Variants in CNOT2 observed in about 807,000 individuals in gnomAD.
CNOT2 encodes the protein CC chemokine receptor 4-negative regulator of transcription 2.
In CNOT2, 7 loss-of-function variants were observed where a neutral mutation model predicts 72.1. The observed-to-expected ratio is 0.10, with a 90% CI of 0.06 to 0.18. The LOEUF (loss-of-function observed/expected upper bound fraction) is 0.18, where lower values mean the gene tolerates loss of function less well. CNOT2 is among the 10% of genes least tolerant of loss of function. The probability of loss-of-function intolerance (pLI) is 1.00; values close to 1 mark genes in which losing one functional copy is unlikely to be tolerated. For missense variants in CNOT2, 345 were observed against 660.3 expected (o/e 0.52, Z 5.23); for synonymous variants, 196 against 225.6 (o/e 0.87, Z 1.17).
At chr12:70,295,087 AG>A (rs1354573308) in intron 2 of CNOT2, among the ~76,000 whole-genome samples, 1 of 152,038 alleles carries the variant, frequency 6.6e-6, no homozygotes, top group Non-Finnish European at 1.5e-5. Flanking sequence ...CTTACTTTTG[AG>A]CTTCTTCTCA....
intron 2 of CNOT2, among the ~76,000 whole-genome samples, chr12:70,280,343 T>C (rs2135813027): frequency 6.6e-6 from 1 of 152,276 alleles, no homozygotes; most frequent in Non-Finnish European, 1.5e-5. Flanking sequence ...TAATGTTCCA[T>C]AGCAGAGTAG....
At chr12:70,308,411 C>T (rs970349060) in intron 2 of CNOT2, among the ~76,000 whole-genome samples, 1 of 152,084 alleles carries the variant, frequency 6.6e-6, no homozygotes, top group Non-Finnish European at 1.5e-5. Flanking sequence ...CTCCCTCCCT[C>T]CATCTGTCTT....
chr12:70,264,283 A>C (rs758600909), intron 1 of CNOT2, among the ~76,000 whole-genome samples: 17 of 152,140 alleles, frequency 1.1e-4, no homozygotes, highest in Non-Finnish European at 1.9e-4. Flanking sequence ...CCTGTCTTAG[A>C]GCTACCAGCT....
chr12:70,338,021 A>G (rs1880933887), intron 9 of CNOT2: 1 of 239,114 alleles, frequency 4.2e-6, no homozygotes, highest in East Asian at 1.3e-4. Flanking sequence ...AATAAGTACA[A>G]AGTTTTAAAG....
chr12:70,319,493 C>CCTTTTA, intron 4 of CNOT2, 129 bp downstream of exon 4: 1 of 867,032 alleles, frequency 1.2e-6, no homozygotes, highest in Non-Finnish European at 1.8e-6. Context: ...GTTTAATTTT[C>CCTTTTA]AGAGTTTTAT....
chr12:70,334,418 G>T (rs1282202552), intron 7 of CNOT2: 1 of 151,952 alleles, frequency 6.6e-6, no homozygotes, highest in Non-Finnish European at 1.5e-5. Flanking sequence ...TAAATTAATG[G>T]TGTCTATTGT....
chr12:70,293,509 A>G (rs1872298213), intron 2 of CNOT2, among the ~76,000 whole-genome samples: 2 of 152,132 alleles, frequency 1.3e-5, no homozygotes, highest in African/African-American at 2.4e-5. Context: ...TTGTTTTAAA[A>G]TCTTAAAATT....
chr12:70,331,902 A>G (rs572680877), intron 6 of CNOT2, among the ~76,000 whole-genome samples: 6 of 151,922 alleles, frequency 3.9e-5, no homozygotes, highest in Non-Finnish European at 7.4e-5. Flanking sequence ...TGGTTTCACT[A>G]TAGAATCTGC....
intron 11 of CNOT2, 34 bp from the exon 12 acceptor site, chr12:70,342,073 G>T: frequency 7.7e-7 from 1 of 1,296,452 alleles, no homozygotes; most frequent in Non-Finnish European, 1.1e-6. Flanking sequence ...TCTTTTTCTG[G>T]ATTTCAAAAT....
chr12:70,329,989 A>T (rs1983437), intron 5 of CNOT2, among the ~76,000 whole-genome samples: 32,154 of 152,000 alleles, frequency 0.21, 4,000 homozygotes, highest in Admixed American at 0.34. Flanking sequence ...ACGATATGCC[A>T]TTGAAATGAA....
At chr12:70,300,960 G>T (rs965595711) in intron 2 of CNOT2, among the ~76,000 whole-genome samples, 1 of 152,070 alleles carries the variant, frequency 6.6e-6, no homozygotes, top group African/African-American at 2.4e-5. Flanking sequence ...GGATTCCTAG[G>T]TATTTTATTC....
rs947002107 is a variant in CNOT2 at position 70,330,601 on chromosome 12, A to G, written c.569+132A>G. The G allele has an allele frequency of 1.3e-5, 7 of 521,900 alleles. No homozygotes were observed. The South Asian group carries it at 2.4e-4, about 18-fold the overall frequency. The allele number at this position is 521,900 out of a possible 1,614,324, so 32.3% of individuals were successfully genotyped here. A position where few individuals can be genotyped will look rare whatever the true frequency, so the allele number is the denominator to read the frequency against. On this transcript the variant is annotated intron_variant, in intron 6 of 15. Transcript: ENST00000229195. ...GTGTTTCATCATGCATTTATGTCCAAAGATTCTGTTACCCATCACAAAACG... is the reference window on the plus strand; with the variant it reads ...GTGTTTCATCATGCATTTATGTCCAGAGATTCTGTTACCCATCACAAAACG...
At chr12:70,247,151 T>C (rs1400457489) in intron 1 of CNOT2, among the ~76,000 whole-genome samples, 8 of 152,078 alleles carry the variant, frequency 5.3e-5, no homozygotes, top group African/African-American at 1.7e-4. Context: ...ACCCTGCACA[T>C]TTTCTTTTCC....
chr12:70,294,790 C>T (rs998776422), intron 2 of CNOT2, among the ~76,000 whole-genome samples: 1 of 152,126 alleles, frequency 6.6e-6, no homozygotes, highest in South Asian at 2.1e-4. Context: ...ATAGAAATTT[C>T]AAACATCTTT....
At chr12:70,282,994 T>C (rs1870138794) in intron 2 of CNOT2, among the ~76,000 whole-genome samples, 1 of 152,226 alleles carries the variant, frequency 6.6e-6, no homozygotes, top group African/African-American at 2.4e-5. Flanking sequence ...AACTACTTAA[T>C]ATAAACAGAA....
At chr12:70,270,547 G>A (rs975391149) in intron 1 of CNOT2, among the ~76,000 whole-genome samples, 1 of 151,774 alleles carries the variant, frequency 6.6e-6, no homozygotes, top group African/African-American at 2.4e-5. Context: ...GTTTTTATAG[G>A]GCTTTTTAGT....
intron 2 of CNOT2, among the ~76,000 whole-genome samples, chr12:70,282,508 G>A (rs1017236531): frequency 6.6e-6 from 1 of 151,962 alleles, no homozygotes; most frequent in African/African-American, 2.4e-5. Flanking sequence ...AGAAAAATAC[G>A]GAATATAAAA....
At chr12:70,352,698 G>T (rs895147255) in intron 15 of CNOT2, among the ~76,000 whole-genome samples, 1 of 152,172 alleles carries the variant, frequency 6.6e-6, no homozygotes, top group South Asian at 2.1e-4. Context: ...GGTAGAATTG[G>T]TAAGAGGCTT....
At chr12:70,252,224 T>G (rs1018309340) in intron 1 of CNOT2, among the ~76,000 whole-genome samples, 3 of 152,218 alleles carry the variant, frequency 2.0e-5, no homozygotes, top group African/African-American at 7.2e-5. Context: ...TCTCACTTTG[T>G]CACCCAGGCT....
Sources: allele counts gnomAD v4.1 joint callset (sites outside exome capture counted in the v4.1 genomes callset), GRCh38; gene constraint gnomAD v4.1.1; transcripts MANE v1.5; gene names NCBI Gene and HGNC (gene_info 2026-07-23, HGNC 2026-07-21).